The following LRBA variants were observed in gnomAD, a reference collection of about 807,000 sequenced individuals.
The protein encoded by LRBA is LPS responsive beige-like anchor protein.
A neutral mutation model predicts 330.0 loss-of-function variants in LRBA; 176 were observed. The observed-to-expected ratio is 0.53, with a 90% CI of 0.47 to 0.60. LRBA has a LOEUF of 0.60. Among genes scored for constraint, LRBA ranks in the 20% least tolerant of loss-of-function variants. The pLI, the probability that LRBA is intolerant of heterozygous loss-of-function variation, is 0.00. For synonymous variants in LRBA, 1,230 were observed against 1,193.0 expected (o/e 1.03, Z -0.64); for missense variants, 3,259 against 3,444.8 (o/e 0.95, Z 1.35).
intron 34 of LRBA, among the ~76,000 whole-genome samples, chr4:150,763,916 GA>G (rs1735424632): frequency 6.6e-6 from 1 of 151,956 alleles, no homozygotes; most frequent in Non-Finnish European, 1.5e-5. Flanking sequence ...TGATCAGCAA[GA>G]AGTACGATAC....
At chr4:150,463,426 T>C (rs1454401329) in intron 44 of LRBA, among the ~76,000 whole-genome samples, 2 of 152,020 alleles carry the variant, frequency 1.3e-5, no homozygotes, top group African/African-American at 4.8e-5. Flanking sequence ...TGAATGCCAT[T>C]ACAATTGAAG....
intron 30 of LRBA, among the ~76,000 whole-genome samples, chr4:150,827,207 C>G (rs1243735481): frequency 6.6e-6 from 1 of 152,190 alleles, no homozygotes; most frequent in Non-Finnish European, 1.5e-5. Context: ...ATTAGACAAT[C>G]TGGCAGAAGG....
chr4:150,948,000 A>C (rs1255125865), intron 2 of LRBA, among the ~76,000 whole-genome samples: 1 of 152,064 alleles, frequency 6.6e-6, no homozygotes, highest in Admixed American at 6.5e-5. Context: ...AAATCAAAGA[A>C]GATCTAAATA....
chr4:150,398,728 G>C (rs1283513713), intron 47 of LRBA, among the ~76,000 whole-genome samples: 1 of 151,980 alleles, frequency 6.6e-6, no homozygotes, highest in Non-Finnish European at 1.5e-5. Flanking sequence ...CTGGGCTCAA[G>C]TGATCATCCC....
chr4:150,341,968 G>A (rs1008167433), intron 48 of LRBA, among the ~76,000 whole-genome samples: 3 of 151,210 alleles, frequency 2.0e-5, no homozygotes, highest in African/African-American at 4.8e-5. Context: ...ATTAATTTAA[G>A]GAAAATACTT....
At chr4:150,355,461 A>G (rs1367608892) in intron 47 of LRBA, among the ~76,000 whole-genome samples, 5 of 152,110 alleles carry the variant, frequency 3.3e-5, no homozygotes, top group African/African-American at 1.2e-4. Context: ...AAAACTAGCA[A>G]TATCTATGGG....
Position 150,963,029 on chromosome 4 carries a change from AAC to A in LRBA, c.217-33966_217-33965del, listed in dbSNP as rs1401774570. On this transcript the variant is annotated intron_variant, in intron 2 of 56. Transcript: ENST00000651943. ...TAAAAAGCTTTTTATTAAAAAAAAA[AAC>A]ACCACTAGTCAAGTCAAATCAATCC... 2.0e-5 allele frequency among the ~76,000 whole-genome samples: 3 copies of A among 148,162 alleles called. 1 individual carries two copies. Among genetic ancestry groups the A allele is most frequent in the African/African-American group, 7.8e-5 (3 of 38,300 alleles).
intron 37 of LRBA, among the ~76,000 whole-genome samples, chr4:150,664,871 G>A (rs985296196): frequency 7.9e-5 from 12 of 152,106 alleles, no homozygotes; most frequent in Admixed American, 7.9e-4. Flanking sequence ...CATTACATAA[G>A]TTGAGAACTT....
chr4:150,434,039 T>C (rs1750772602), intron 46 of LRBA, among the ~76,000 whole-genome samples: 1 of 152,172 alleles, frequency 6.6e-6, no homozygotes, highest in East Asian at 1.9e-4. Context: ...GCAATTGTCA[T>C]TATACTGAAA....
At chr4:150,883,901 AG>A (rs1472484401) in intron 17 of LRBA, among the ~76,000 whole-genome samples, 2 of 152,312 alleles carry the variant, frequency 1.3e-5, no homozygotes, top group South Asian at 2.1e-4. Flanking sequence ...AAAGCAAAAT[AG>A]GGGGAATAAT....
chr4:150,818,342 T>C (rs1394587499), intron 30 of LRBA, among the ~76,000 whole-genome samples: 4 of 152,056 alleles, frequency 2.6e-5, no homozygotes, highest in African/African-American at 9.7e-5. Context: ...GTGCTAGGCA[T>C]GGCTTATTCA....
intron 47 of LRBA, among the ~76,000 whole-genome samples, chr4:150,373,000 G>A (rs1740631369): frequency 6.6e-6 from 1 of 151,996 alleles, no homozygotes; most frequent in Non-Finnish European, 1.5e-5. Context: ...TATGGAGAGT[G>A]TCATGTGGAA....
intron 31 of LRBA, among the ~76,000 whole-genome samples, chr4:150,814,629 GT>G (rs952474405): frequency 4.7e-5 from 7 of 150,496 alleles, no homozygotes; most frequent in Non-Finnish European, 1.0e-4. Flanking sequence ...AGCAATAACT[GT>G]TTTTTTAAAA....
intron 2 of LRBA, among the ~76,000 whole-genome samples, chr4:150,944,304 T>A (rs1003505656): frequency 3.3e-5 from 5 of 152,258 alleles, no homozygotes; most frequent in Admixed American, 3.3e-4. Context: ...TCCTGTATCA[T>A]AAATTTTTTA....
chr4:150,370,531 G>T (rs548146463), intron 47 of LRBA, among the ~76,000 whole-genome samples: 10 of 152,286 alleles, frequency 6.6e-5, no homozygotes, highest in African/African-American at 2.4e-4. Context: ...AGGAGTGGAG[G>T]AGGAAGGGGG....
chr4:150,713,579 C>T (rs1250881139), intron 36 of LRBA, among the ~76,000 whole-genome samples: 3 of 152,122 alleles, frequency 2.0e-5, no homozygotes, highest in Non-Finnish European at 2.9e-5. Flanking sequence ...ATAATGAAAC[C>T]TATTCTTTTA....
intron 34 of LRBA, among the ~76,000 whole-genome samples, chr4:150,788,615 C>G (rs1739433534): frequency 6.6e-6 from 1 of 151,676 alleles, no homozygotes; most frequent in Non-Finnish European, 1.5e-5. Flanking sequence ...CAAAAATTAG[C>G]CGGGCATGAT....
Position 150,436,802 on chromosome 4 carries a change from T to C in LRBA, c.6843A>G (p.Glu2281=). 1 of 1,613,772 alleles carries C rather than the reference T, an allele frequency of 6.2e-7. No individual in the cohort carries two copies. Among genetic ancestry groups the C allele is most frequent in the Non-Finnish European group, 8.5e-7 (1 of 1,179,792 alleles). The change falls in exon 45 of 57, where the codon GAA becomes GAG. Residue 2281 remains glutamate, a synonymous_variant. Transcript: ENST00000651943. ...AGTGAAACTTTGGAACTTGATCATC[T>C]TCCCATGATTCATAACGCTCAGCGA... ...AFFAERYESW[E]DDQVPKFHYG...
At position 150,852,843 on chromosome 4, in the gene LRBA, T is replaced by G; in HGVS notation, c.2867A>C (p.Gln956Pro). Residue 956 changes from glutamine to proline, a missense_variant, in exon 23 of 57, where the codon CAA becomes CCA. Physicochemically the swap from Gln to Pro is moderately conservative, Grantham distance 76. Coordinates refer to ENST00000651943, the MANE Select transcript of LRBA (RefSeq NM_001364905.1). The part of the protein sequence containing the change: ...EIGLCSSTSV[Q>P]AASGIRRDIN... ...ATCCCTTCTAATGCCAGAGGCTGCT[T>G]GAACTGAAGTTGAAGAACACAGCCC... 2 of 1,613,898 alleles carry G rather than the reference T, an allele frequency of 1.2e-6. No homozygotes were observed. The highest frequency in any genetic ancestry group is 1.6e-4 in the Middle Eastern group (1 of 6,062).
Sources: gnomAD v4.1 joint callset for allele counts (sites outside exome capture counted in the v4.1 genomes callset) on GRCh38, gnomAD v4.1.1 for gene constraint, MANE v1.5 for transcripts, NCBI Gene and HGNC (gene_info 2026-07-23, HGNC 2026-07-21) for gene names.